PREPL: variants seen among roughly 807,000 people sequenced by gnomAD.
The protein encoded by PREPL is prolyl endopeptidase-like.
PREPL carries 77 observed loss-of-function variants against 70.6 expected under a neutral mutation model. The ratio of observed to expected loss-of-function variants is 1.09; its 90% CI spans 0.91 to 1.32. The LOEUF (loss-of-function observed/expected upper bound fraction) is 1.32. Ranked by LOEUF, PREPL falls within the 40% of genes most tolerant of loss-of-function variation. The probability of loss-of-function intolerance (pLI) is 0.00; values close to 1 mark genes in which losing one functional copy is unlikely to be tolerated. For synonymous variants in PREPL, 315 were observed against 264.8 expected (o/e 1.19, Z -1.84); for missense variants, 1,002 against 778.2 (o/e 1.29, Z -3.42).
rs1235687912 is a variant in PREPL, at chr2:44,317,646, TAAA to T, written c.*3707_*3709del. 1.7e-4 allele frequency: 26 copies of T among 152,282 alleles called. No homozygotes were observed. The highest frequency in any genetic ancestry group is 1.6e-3 in the Admixed American group (24 of 15,280). The allele number at this position is 152,282 out of a possible 1,614,324, so 9.4% of individuals were successfully genotyped here. ...TAATTTTAATGGTAAAATTAGGACATAAAAATAATTTTCAAAGAATTATTTTCA... is the reference window on the plus strand; with the variant it reads ...TAATTTTAATGGTAAAATTAGGACATAATAATTTTCAAAGAATTATTTTCA... On this transcript the variant is annotated 3_prime_UTR_variant, in exon 14 of 14. Coordinates refer to ENST00000409411, the MANE Select transcript of PREPL (RefSeq NM_001171613.2).
chr2:44,350,692 C>G (rs1390782247), intron 1 of PREPL, among the ~76,000 whole-genome samples: 1 of 152,046 alleles, frequency 6.6e-6, no homozygotes. Context: ...TTCTCCTTAC[C>G]CCTTCTCTAG....
chr2:44,352,297 G>C (rs1676528176), intron 1 of PREPL, among the ~76,000 whole-genome samples: 1 of 151,874 alleles, frequency 6.6e-6, no homozygotes, highest in South Asian at 2.1e-4. Context: ...GGACTTGCTT[G>C]TGTCCACCTC....
intron 1 of PREPL, among the ~76,000 whole-genome samples, chr2:44,348,353 G>C (rs567859755): frequency 3.3e-5 from 5 of 152,130 alleles, no homozygotes; most frequent in Admixed American, 1.3e-4. Context: ...ACCATCATAA[G>C]TCAGAAGATG....
rs773977540 is a variant in PREPL at position 44,343,845 on chromosome 2, G to C, written c.249C>G (p.Ala83=). Residue 83 remains alanine, a synonymous_variant, in exon 4 of 14, where the codon GCC becomes GCG. Coordinates refer to ENST00000409411, the MANE Select transcript of PREPL (RefSeq NM_001171613.2). The stretch of plus-strand genomic sequence containing the variant: ...CTTCAGAATCTTCAGTTCTTATCTT[G>C]GCAGCCACATATTTTTCATCTGGAG... ...RVAPDEKYVA[A]KIRTEDSEAS... is the part of the protein sequence containing the mutation. The C allele has an allele frequency of 6.6e-5, 107 of 1,613,674 alleles. No individual in the cohort carries two copies. In the East Asian group the frequency reaches 2.2e-3, roughly 33 times the overall value.
chr2:44,353,655 A>G (rs1180142366), intron 1 of PREPL, among the ~76,000 whole-genome samples: 2 of 152,212 alleles, frequency 1.3e-5, no homozygotes, highest in South Asian at 2.1e-4. Context: ...TAGTACTGGC[A>G]TAACGACAGA....
chr2:44,338,346 CA>C lies in PREPL; in HGVS notation c.888+4del, dbSNP rs2103912340. On this transcript the variant is annotated splice_donor_region_variant and intron_variant, in intron 7 of 13. Transcript: ENST00000409411. ...ACAGTATTAACTTCTGAAAATTAAA[CA>C]TACCTTTAGAGACCGAACTGAATCA... 3 of 1,601,698 alleles carry C rather than the reference CA, an allele frequency of 1.9e-6. No homozygotes were observed. Among genetic ancestry groups the C allele is most frequent in the Non-Finnish European group, 2.6e-6 (3 of 1,176,442 alleles).
intron 1 of PREPL, chr2:44,360,763 G>C (rs1207050699): frequency 6.6e-6 from 1 of 152,182 alleles, no homozygotes; most frequent in East Asian, 1.9e-4. Context: ...ACCATACAGT[G>C]CCTGGCACAT....
intron 10 of PREPL, among the ~76,000 whole-genome samples, chr2:44,326,383 CTT>C (rs554397665): frequency 2.1e-4 from 27 of 128,172 alleles, no homozygotes; most frequent in Admixed American, 3.1e-4. Flanking sequence ...TTTTTCTTTC[CTT>C]TTTTTTTTTT....
At chr2:44,329,469 G>A (rs747648023) in intron 8 of PREPL, among the ~76,000 whole-genome samples, 7 of 152,102 alleles carry the variant, frequency 4.6e-5, no homozygotes, top group Non-Finnish European at 1.0e-4. Context: ...AGAAGTCCTA[G>A]TATAGCACTC....
At position 44,320,231 on chromosome 2, in the gene PREPL, G is replaced by C; in HGVS notation, c.*1125C>G. 6.2e-7 allele frequency: 1 copy of C among 1,613,976 alleles called. No homozygotes were observed. Among genetic ancestry groups the C allele is most frequent in the South Asian group, 1.1e-5 (1 of 91,054 alleles). ...AGACTCAGCCCAGATCGGCTTTGAA[G>C]TTATATCAAGATTTAAGTCTACTTC... On this transcript the variant is annotated 3_prime_UTR_variant, in exon 14 of 14. Coordinates refer to ENST00000409411, the MANE Select transcript of PREPL (RefSeq NM_001171613.2).
At chr2:44,338,720 GC>G (rs1399319178) in intron 6 of PREPL, among the ~76,000 whole-genome samples, 184 bp from the exon 7 acceptor site, 1 of 152,172 alleles carries the variant, frequency 6.6e-6, no homozygotes, top group East Asian at 1.9e-4. Context: ...TGACTAGCCT[GC>G]TGGGTGGTGA....
At chr2:44,323,528 GTAGATTCC>G in intron 10 of PREPL, 117 bp from the exon 11 acceptor site, 1 of 802,606 alleles carries the variant, frequency 1.2e-6, no homozygotes, top group East Asian at 3.0e-5. Flanking sequence ...CTCAAGCCAT[GTAGATTCC>G]TAGGAGCTAG....
At chr2:44,345,447 G>C (rs925730380) in intron 2 of PREPL, among the ~76,000 whole-genome samples, 2 of 152,058 alleles carry the variant, frequency 1.3e-5, no homozygotes, top group Non-Finnish European at 2.9e-5. Context: ...TGCATCCTGA[G>C]TTCAAGTGAT....
intron 1 of PREPL, among the ~76,000 whole-genome samples, chr2:44,351,703 T>G (rs780089635): frequency 5.3e-5 from 8 of 152,224 alleles, no homozygotes; most frequent in Non-Finnish European, 1.0e-4. Context: ...ATCTGACCAC[T>G]TCTCACACTT....
At chr2:44,358,595 CTTTTG>C (rs1225635686) in intron 1 of PREPL, among the ~76,000 whole-genome samples, 2 of 152,136 alleles carry the variant, frequency 1.3e-5, no homozygotes, top group East Asian at 3.9e-4. Flanking sequence ...AACCAGGACA[CTTTTG>C]AGAGGAAAGG....
At position 44,337,811 on chromosome 2, in the gene PREPL, C is replaced by T. The variant is rs538183436; in HGVS notation, c.888+540G>A. ...GCCAAGCAGTCTTGCCACTATTAGC[C>T]TTCTGTGCTGCTGTGGAGACCACTG... On this transcript the variant is annotated intron_variant, in intron 7 of 13. Coordinates refer to ENST00000409411, the MANE Select transcript of PREPL (RefSeq NM_001171613.2). Among the ~76,000 whole-genome samples the T allele has an allele frequency of 9.1e-3, 1,380 of 152,324 alleles. 25 individuals carry two copies. Among genetic ancestry groups the T allele is most frequent in the South Asian group, 0.082 (396 of 4,820 alleles).
At chr2:44,323,760 A>G (rs1393211755) in intron 10 of PREPL, among the ~76,000 whole-genome samples, 17 of 150,902 alleles carry the variant, frequency 1.1e-4, no homozygotes, top group Admixed American at 1.1e-3. Context: ...TTATATTAAA[A>G]CAACAACAAC....
Position 44,343,781 on chromosome 2 carries a change from C to G in PREPL, c.313G>C (p.Val105Leu), listed in dbSNP as rs763621305. ...CVIIKLSDQP[V>L]MEASFPNVSS... ...ACATTCGGGAAAGAAGCTTCCATTA[C>G]GGGCTGATCGCTGAGCTTTATAATT... The change falls in exon 4 of 14, where the codon GTA becomes CTA. Residue 105 changes from valine to leucine, a missense_variant. Physicochemically the swap from Val to Leu is conservative, Grantham distance 32. Coordinates refer to ENST00000409411, the MANE Select transcript of PREPL (RefSeq NM_001171613.2). 3 of 1,613,908 alleles carry G rather than the reference C, an allele frequency of 1.9e-6. No homozygotes were observed. The highest frequency in any genetic ancestry group is 2.5e-6 in the Non-Finnish European group (3 of 1,179,818).
At chr2:44,344,398 A>T in intron 3 of PREPL, 122 bp downstream of exon 3, 1 of 819,316 alleles carries the variant, frequency 1.2e-6, no homozygotes, top group South Asian at 2.2e-5. Flanking sequence ...TAGTCATTAA[A>T]AAAAAATTCA....
Sources: allele counts gnomAD v4.1 joint callset (sites outside exome capture counted in the v4.1 genomes callset), GRCh38; gene constraint gnomAD v4.1.1; transcripts MANE v1.5; gene names NCBI Gene and HGNC (gene_info 2026-07-23, HGNC 2026-07-21).